TSPAN11: variants seen among roughly 807,000 people sequenced by gnomAD.
TSPAN11 encodes tetraspanin 11.
TSPAN11 carries 29 observed loss-of-function variants against 32.9 expected under a neutral mutation model. The ratio of observed to expected loss-of-function variants is 0.88; its 90% CI spans 0.66 to 1.20. The LOEUF (loss-of-function observed/expected upper bound fraction) is 1.20. Ranked by LOEUF, TSPAN11 falls within the 50% of genes most tolerant of loss-of-function variation. TSPAN11 has a pLI of 0.00. For missense variants in TSPAN11, 283 were observed against 329.1 expected (o/e 0.86, Z 1.08); for synonymous variants, 140 against 141.3 (o/e 0.99, Z 0.07).
At chr12:30,948,885 C>G (rs1026860604) in intron 1 of TSPAN11, among the ~76,000 whole-genome samples, 3 of 152,208 alleles carry the variant, frequency 2.0e-5, no homozygotes, top group African/African-American at 7.2e-5. Context: ...CTCTGCTTCC[C>G]TTATGAAACT....
intron 7 of TSPAN11, among the ~76,000 whole-genome samples, chr12:30,987,891 C>A (rs1939231145): frequency 7.8e-6 from 1 of 127,510 alleles, no homozygotes; most frequent in Non-Finnish European, 1.6e-5. Context: ...AGAAGGGGAA[C>A]AGTAGGTGGA....
At chr12:30,942,327 T>C (rs961713049) in intron 1 of TSPAN11, among the ~76,000 whole-genome samples, 6 of 152,178 alleles carry the variant, frequency 3.9e-5, no homozygotes, top group Non-Finnish European at 8.8e-5. Context: ...CATCTCCATC[T>C]TACAGAGGAG....
chr12:30,933,776 C>T (rs1409958055), intron 1 of TSPAN11, among the ~76,000 whole-genome samples: 2 of 152,228 alleles, frequency 1.3e-5, no homozygotes, highest in Admixed American at 6.5e-5. Flanking sequence ...TTGTTGAGGC[C>T]CCTATGTCTT....
At chr12:30,958,226 G>A (rs1221289244) in intron 2 of TSPAN11, among the ~76,000 whole-genome samples, 1 of 152,156 alleles carries the variant, frequency 6.6e-6, no homozygotes, top group Non-Finnish European at 1.5e-5. Context: ...AGACAGCAGA[G>A]GAGGTAGTGT....
the TSPAN11 span, among the ~76,000 whole-genome samples, chr12:31,013,713 C>T: frequency 6.6e-6 from 1 of 152,126 alleles, no homozygotes. Context: ...ACACAGTCAT[C>T]CTTGAGGAAG....
chr12:30,973,248 G>A (rs1938889653), intron 3 of TSPAN11, among the ~76,000 whole-genome samples: 6 of 152,292 alleles, frequency 3.9e-5, no homozygotes, highest in Admixed American at 3.9e-4. Flanking sequence ...CATCTATAAA[G>A]CGAGGCTGAT....
chr12:30,959,795 A>AAAAC (rs1555197458), intron 2 of TSPAN11, among the ~76,000 whole-genome samples: 14 of 143,206 alleles, frequency 9.8e-5, no homozygotes, highest in Non-Finnish European at 1.8e-4. Flanking sequence ...AAAAAAAAAA[A>AAAAC]AAAACCGAGG....
chr12:31,006,840 C>G, the TSPAN11 span, among the ~76,000 whole-genome samples: 1 of 152,200 alleles, frequency 6.6e-6, no homozygotes, highest in Non-Finnish European at 1.5e-5. Flanking sequence ...TTGTTTGAAC[C>G]ATATTGAGTT....
intron 2 of TSPAN11, among the ~76,000 whole-genome samples, chr12:30,961,688 T>A (rs1938616550): frequency 2.0e-5 from 3 of 152,126 alleles, no homozygotes; most frequent in Admixed American, 1.3e-4. Context: ...TCAAAGGGGT[T>A]CCCAGTAGTT....
intron 1 of TSPAN11, among the ~76,000 whole-genome samples, chr12:30,932,128 T>C (rs1435942258): frequency 6.6e-6 from 1 of 151,800 alleles, no homozygotes; most frequent in Non-Finnish European, 1.5e-5. Flanking sequence ...GAACCCTAGC[T>C]CAAAATGCAG....
chr12:30,960,327 C>A (rs1452069864), intron 2 of TSPAN11, among the ~76,000 whole-genome samples: 1 of 151,942 alleles, frequency 6.6e-6, no homozygotes. Flanking sequence ...TCACCCTGTG[C>A]ATTTCCCGCA....
chr12:30,991,748 C>T, intron 7 of TSPAN11, 108 bp from the exon 8 acceptor site: 1 of 1,219,170 alleles, frequency 8.2e-7, no homozygotes, highest in Non-Finnish European at 1.2e-6. Context: ...TGCCCTTTGC[C>T]CAGGCCCCAG....
chr12:30,963,692 A>G (rs1030036932), intron 2 of TSPAN11, 134 bp from the exon 3 acceptor site: 1 of 969,470 alleles, frequency 1.0e-6, no homozygotes, highest in Middle Eastern at 3.4e-4. Flanking sequence ...TTGGGTAACC[A>G]TACCATTCTC....
intron 1 of TSPAN11, among the ~76,000 whole-genome samples, chr12:30,927,593 G>T (rs1252914032): frequency 6.6e-6 from 1 of 152,008 alleles, no homozygotes; most frequent in African/African-American, 2.4e-5. Context: ...CGTGGGGGTG[G>T]GGGGTGAGGA....
intron 1 of TSPAN11, among the ~76,000 whole-genome samples, chr12:30,939,819 T>TA (rs1938123479): frequency 1.3e-5 from 2 of 152,230 alleles, no homozygotes; most frequent in African/African-American, 4.8e-5. Flanking sequence ...CTCACTCCTC[T>TA]AAGGAAGGGC....
At position 30,960,149 on chromosome 12, in the gene TSPAN11, C is replaced by T. The variant is rs1032079361; in HGVS notation, c.85-3677C>T. The stretch of plus-strand genomic sequence containing the variant: ...GGGTGGGTGGGTGGGTGGGTGATGG[C>T]GCGGCGCCATGTATGAGACTGAGCA... On this transcript the variant is annotated intron_variant, in intron 2 of 7. Coordinates refer to ENST00000546076, the MANE Select transcript of TSPAN11 (RefSeq NM_001370302.1). 6.0e-5 allele frequency among the ~76,000 whole-genome samples: 9 copies of T among 151,230 alleles called. No homozygotes were observed. In the East Asian group the frequency reaches 1.6e-3, roughly 26 times the overall value.
At chr12:30,965,601 G>T (rs984002651) in intron 3 of TSPAN11, among the ~76,000 whole-genome samples, 1 of 152,136 alleles carries the variant, frequency 6.6e-6, no homozygotes, top group Admixed American at 6.5e-5. Flanking sequence ...ATTCACTAGA[G>T]CCACCTCCCT....
At chr12:31,010,884 C>G in the TSPAN11 span, among the ~76,000 whole-genome samples, 4 of 152,130 alleles carry the variant, frequency 2.6e-5, no homozygotes, top group Non-Finnish European at 5.9e-5. Flanking sequence ...CTCCCACCAC[C>G]AAGACCTGGA....
intron 2 of TSPAN11, among the ~76,000 whole-genome samples, chr12:30,962,386 A>G (rs901400902): frequency 2.6e-5 from 4 of 152,288 alleles, no homozygotes; most frequent in Non-Finnish European, 5.9e-5. Flanking sequence ...ATGGGGTTGA[A>G]TCTCAATTCT....
Sources: allele counts gnomAD v4.1 joint callset (sites outside exome capture counted in the v4.1 genomes callset), GRCh38; gene constraint gnomAD v4.1.1; transcripts MANE v1.5; gene names NCBI Gene and HGNC (gene_info 2026-07-23, HGNC 2026-07-21).